The following SLC6A16 variants were observed in gnomAD, a reference collection of about 807,000 sequenced individuals.
SLC6A16 encodes solute carrier family 6 member 16, also known as orphan sodium- and chloride-dependent neurotransmitter transporter NTT5.
Under a neutral mutation model 65.4 loss-of-function variants are expected in SLC6A16, and 54 were observed. The ratio of observed to expected loss-of-function variants is 0.83; its 90% confidence interval spans 0.66 to 1.04. The LOEUF (loss-of-function observed/expected upper bound fraction) is 1.04. Among genes scored for constraint, SLC6A16 ranks in the 50% least tolerant of loss-of-function variants. The pLI is 0.00. For synonymous variants in SLC6A16, 330 were observed against 346.5 expected, an observed-to-expected ratio of 0.95 and a Z score of 0.53; for missense variants, 816 against 914.0, an observed-to-expected ratio of 0.89 and a Z score of 1.38.
At chr19:49,295,377 CAA>C (rs11299915) in intron 7 of SLC6A16, among the ~76,000 whole-genome samples, 73 of 146,294 alleles carry the variant, frequency 5.0e-4, no homozygotes, top group Middle Eastern at 3.5e-3. Context: ...GACTCCATTT[CAA>C]AAAAAAAAAA....
chr19:49,297,713 G>A (rs1970211157), intron 7 of SLC6A16, among the ~76,000 whole-genome samples: 1 of 152,154 alleles, frequency 6.6e-6, no homozygotes, highest in Non-Finnish European at 1.5e-5. Flanking sequence ...GAGAATGGAT[G>A]AAGAAATTGT....
chr19:49,314,235 C>T (rs561622685), intron 1 of SLC6A16, among the ~76,000 whole-genome samples: 60 of 152,114 alleles, frequency 3.9e-4, no homozygotes, highest in African/African-American at 1.4e-3. Context: ...CAAATCAGAA[C>T]ATCAAAATAA....
At chr19:49,309,461 C>T in intron 5 of SLC6A16, 50 bp from the exon 6 acceptor site, 1 of 1,453,784 alleles carries the variant, frequency 6.9e-7, no homozygotes, top group Non-Finnish European at 9.6e-7. Flanking sequence ...TAGGGGTCAA[C>T]CAACAGTTAG....
upstream of SLC6A16, chr19:49,325,324 G>C: frequency 1.3e-6 from 1 of 787,102 alleles, no homozygotes; most frequent in East Asian, 1.3e-4. Context: ...CCACACGCAC[G>C]CACGTGTGCA....
intron 7 of SLC6A16, among the ~76,000 whole-genome samples, chr19:49,306,285 G>A (rs897395926): frequency 1.3e-4 from 20 of 151,040 alleles, no homozygotes; most frequent in African/African-American, 3.9e-4. Context: ...GCAACAGAGC[G>A]AGAGTCTGTC....
the SLC6A16 span, chr19:49,336,772 A>G: frequency 1.2e-6 from 1 of 805,124 alleles, no homozygotes. Flanking sequence ...ACAGGGACTC[A>G]GGGTGGGGCA....
intron 1 of SLC6A16, among the ~76,000 whole-genome samples, chr19:49,317,916 C>T (rs183632184): frequency 6.6e-6 from 1 of 152,248 alleles, no homozygotes; most frequent in Non-Finnish European, 1.5e-5. Flanking sequence ...TAACTAATTG[C>T]ACGATTGCCC....
the SLC6A16 span, chr19:49,339,380 AGTG>A: frequency 1.2e-6 from 2 of 1,613,958 alleles, no homozygotes; most frequent in South Asian, 2.2e-5. This position sits in a 1 kb window ranked among gnomAD's most constrained non-coding sequence, Gnocchi z 4.5. Flanking sequence ...TTATTTCCAT[AGTG>A]GGCATTTGCC....
At position 49,290,690 on chromosome 19, in the gene SLC6A16, G is replaced by A. The variant is rs1300665239; in HGVS notation, c.1856C>T (p.Pro619Leu). The change falls in exon 11 of 12, where the codon CCA becomes CTA. Residue 619 changes from proline to leucine, a missense_variant. Physicochemically the swap from Pro to Leu is moderately conservative, Grantham distance 98 (BLOSUM62 -3). Transcript: ENST00000335875. ...CACAAAGATGATTAGCAGCACAACT[G>A]GACACAGATGGGGCCACAGCCAACC... ...IFGWLWPHLC[P>L]VVLLIIFVTM... The A allele has an allele frequency of 1.9e-6, 3 of 1,613,748 alleles. No homozygotes were observed. The highest frequency in any genetic ancestry group is 2.5e-6 in the Non-Finnish European group (3 of 1,179,896).
the SLC6A16 span, among the ~76,000 whole-genome samples, chr19:49,333,955 G>A: frequency 1.3e-5 from 2 of 152,174 alleles, no homozygotes; most frequent in African/African-American, 4.8e-5. Flanking sequence ...TGGGGCCTCC[G>A]CTCCTCGGGC....
chr19:49,336,988 G>A, the SLC6A16 span: 60 of 1,613,842 alleles, frequency 3.7e-5, no homozygotes, highest in Non-Finnish European at 5.1e-5. Context: ...TCGCCCTCCT[G>A]GGTTGTGTGG....
upstream of SLC6A16, among the ~76,000 whole-genome samples, chr19:49,325,659 ATT>A (rs1191223922): frequency 2.0e-5 from 3 of 152,144 alleles, no homozygotes; most frequent in Non-Finnish European, 4.4e-5. Context: ...AAACTCAAAG[ATT>A]TACTTAGGTC....
chr19:49,293,889 C>T lies in SLC6A16; in HGVS notation c.1556G>A (p.Gly519Asp). ...GLSSAIGIMQGIITPLQDTFS... is the reference protein window; with the variant it reads ...GLSSAIGIMQDIITPLQDTFS... Reference sequence around the variant, plus strand: ...GGTGTCCTGGAGTGGAGTAATGATGCCCTGCATAATCCCTATTGCGCTGCT... The same window carrying T: ...GGTGTCCTGGAGTGGAGTAATGATGTCCTGCATAATCCCTATTGCGCTGCT... The change falls in exon 9 of 12, where the codon GGC (glycine) becomes GAC (aspartate). Residue 519 changes from glycine to aspartate, a missense_variant. By Grantham distance (94) the Gly-to-Asp change is moderately conservative. Transcript: ENST00000335875. 2 of 1,613,964 alleles carry T rather than the reference C, an allele frequency of 1.2e-6. No homozygotes were observed. The highest frequency in any genetic ancestry group is 1.7e-6 in the Non-Finnish European group (2 of 1,179,994).
upstream of SLC6A16, chr19:49,325,352 C>T (rs77228085): frequency 9.2e-5 from 53 of 573,812 alleles, 1 homozygote; most frequent in East Asian, 6.8e-3. Context: ...TGACTGCTCA[C>T]GCGCCACTCC....
Position 49,310,379 on chromosome 19 carries a change from C to G in SLC6A16, c.547G>C (p.Gly183Arg). The change falls in exon 3 of 12, where the codon GGT becomes CGT. Residue 183 changes from glycine (G) to arginine (R), a missense_variant. Transcript: ENST00000335875. ...ATGAAGCTAGAATACCCCACACCAC[C>G]AATCCAGGGGGCAATGATCTTCCAT... is the stretch of plus-strand genomic sequence containing the variant. Reference protein sequence around the residue: ...GVWKIIAPWIGGVGYSSFMVC... With the variant: ...GVWKIIAPWIRGVGYSSFMVC... The G allele has an allele frequency of 1.2e-6, 2 of 1,614,072 alleles. No individual in the cohort carries two copies. The highest frequency in any genetic ancestry group is 1.3e-5 in the African/African-American group (1 of 75,024).
the SLC6A16 span, chr19:49,335,508 T>C: frequency 1.3e-5 from 20 of 1,527,010 alleles, no homozygotes; most frequent in African/African-American, 2.5e-4. This position sits in a 1 kb window ranked among gnomAD's most constrained non-coding sequence, Gnocchi z 4.6. Flanking sequence ...CTCTTCTGTG[T>C]GGTGAGTGGA....
the SLC6A16 span, chr19:49,337,172 T>C: frequency 6.2e-7 from 1 of 1,614,194 alleles, no homozygotes. Context: ...CTGCTCCTGT[T>C]TGCCACACAG....
chr19:49,322,773 G>A (rs1600655422), intron 1 of SLC6A16, among the ~76,000 whole-genome samples: 1 of 130,838 alleles, frequency 7.6e-6, no homozygotes, highest in Non-Finnish European at 1.6e-5. Context: ...AGACAACACT[G>A]TTAAGATGTC....
At chr19:49,319,533 C>A (rs353982) in intron 1 of SLC6A16, among the ~76,000 whole-genome samples, 117,029 of 150,026 alleles carry the variant, frequency 0.78, 46,256 homozygotes, top group African/African-American at 0.91. Context: ...ATACATATAC[C>A]TATACGATAT....
Sources: allele counts gnomAD v4.1 joint callset (sites outside exome capture counted in the v4.1 genomes callset), GRCh38; gene constraint gnomAD v4.1.1; non-coding constraint Gnocchi (gnomAD v3.1); transcripts MANE v1.5; gene names NCBI Gene and HGNC (gene_info 2026-07-23, HGNC 2026-07-21).